Variants in PTN observed in about 807,000 individuals in gnomAD.
PTN encodes the protein pleiotrophin, also known as heparin affin regulatory protein.
Under a neutral mutation model 24.1 loss-of-function variants are expected in PTN, and 18 were observed. That is an observed-to-expected ratio of 0.75 (90% CI 0.52 to 1.11). The LOEUF is 1.11. PTN is among the 50% of genes least tolerant of loss of function. PTN has a pLI of 0.00. For missense variants in PTN, 163 were observed against 198.8 expected (o/e 0.82, Z 1.08); for synonymous variants, 78 against 68.6 (o/e 1.14, Z -0.67).
intron 1 of PTN, among the ~76,000 whole-genome samples, chr7:137,293,328 T>G (rs1809670281): frequency 6.6e-6 from 1 of 152,094 alleles, no homozygotes; most frequent in South Asian, 2.1e-4. Flanking sequence ...TTGAAGCTAG[T>G]GTGCGCGCAT....
chr7:137,298,106 T>C (rs1809748627), intron 1 of PTN, among the ~76,000 whole-genome samples: 1 of 151,896 alleles, frequency 6.6e-6, no homozygotes, highest in African/African-American at 2.4e-5. Flanking sequence ...TGATAAAATA[T>C]AGATCCACAC....
intron 1 of PTN, among the ~76,000 whole-genome samples, chr7:137,296,857 C>T (rs1033527382): frequency 1.3e-5 from 2 of 152,118 alleles, no homozygotes; most frequent in African/African-American, 4.8e-5. Context: ...CCCCCCAAAT[C>T]GAAGCAGATT....
intron 1 of PTN, among the ~76,000 whole-genome samples, chr7:137,312,535 A>T (rs1182580310): frequency 6.6e-6 from 1 of 152,196 alleles, no homozygotes; most frequent in Non-Finnish European, 1.5e-5. Context: ...CAGCTTTCCA[A>T]TTCAGCTTAA....
chr7:137,332,572 T>C (rs1263650642), intron 1 of PTN, among the ~76,000 whole-genome samples: 3 of 152,214 alleles, frequency 2.0e-5, no homozygotes, highest in Admixed American at 2.0e-4. Flanking sequence ...TTTCAAGATT[T>C]AAGCATAGAC....
At chr7:137,260,508 TTTTAA>T (rs111448879) in intron 1 of PTN, among the ~76,000 whole-genome samples, 3,012 of 152,244 alleles carry the variant, frequency 0.02, 38 homozygotes, top group Middle Eastern at 0.027. Context: ...ACTTGTCTAA[TTTTAA>T]TTTATTTTAT....
At chr7:137,337,937 T>C (rs116306005) in intron 1 of PTN, among the ~76,000 whole-genome samples, 62 of 152,308 alleles carry the variant, frequency 4.1e-4, no homozygotes, top group African/African-American at 1.4e-3. Flanking sequence ...TCTTCAATGG[T>C]TCTATGCTAA....
chr7:137,246,136 C>A (rs907969954), intron 4 of PTN, among the ~76,000 whole-genome samples: 2 of 152,166 alleles, frequency 1.3e-5, no homozygotes, highest in Non-Finnish European at 2.9e-5. Context: ...AACTTCCAGT[C>A]CTGCAAGCTC....
At chr7:137,309,082 C>T (rs553183749) in intron 1 of PTN, among the ~76,000 whole-genome samples, 7 of 151,948 alleles carry the variant, frequency 4.6e-5, no homozygotes, top group Non-Finnish European at 8.8e-5. Flanking sequence ...TTGGAATGGC[C>T]GAGGAAACTG....
intron 1 of PTN, chr7:137,287,757 A>G (rs1018204948): frequency 1.3e-5 from 2 of 152,154 alleles, no homozygotes; most frequent in African/African-American, 4.8e-5. Context: ...AAGATCTGAT[A>G]TTGTGTCAAG....
intron 1 of PTN, among the ~76,000 whole-genome samples, chr7:137,332,867 C>T (rs1435771550): frequency 3.3e-5 from 5 of 152,070 alleles, no homozygotes; most frequent in African/African-American, 1.2e-4. Context: ...GCACAATGAC[C>T]CCACGGCTAG....
At chr7:137,309,698 A>C (rs749735861) in intron 1 of PTN, among the ~76,000 whole-genome samples, 10 of 152,148 alleles carry the variant, frequency 6.6e-5, no homozygotes, top group African/African-American at 9.7e-5. Context: ...CTCACCCATA[A>C]GAAGCAACTC....
chr7:137,241,535 A>C (rs1808627792), intron 4 of PTN, among the ~76,000 whole-genome samples: 1 of 152,124 alleles, frequency 6.6e-6, no homozygotes, highest in Non-Finnish European at 1.5e-5. Flanking sequence ...TAGTCTTTAA[A>C]ATACTGCATA....
At chr7:137,340,885 G>A (rs1183074189) in intron 1 of PTN, among the ~76,000 whole-genome samples, 1 of 152,160 alleles carries the variant, frequency 6.6e-6, no homozygotes, top group Admixed American at 6.5e-5. Flanking sequence ...CCTCCTTCCT[G>A]AGAGAAGTCA....
At position 137,228,044 on chromosome 7, in the gene PTN, C is replaced by T. The variant is rs553841477; in HGVS notation, c.483G>A (p.Lys161=). 1 of 1,606,416 alleles carries T rather than the reference C, an allele frequency of 6.2e-7. No individual in the cohort carries two copies. Among genetic ancestry groups the T allele is most frequent in the East Asian group, 2.2e-5 (1 of 44,726 alleles). ...TTTAATCCAGCATCTTCTCCTGTTT[C>T]TTGCCTTCCTTTTTCTTCTTCTTAG... The part of the protein sequence containing the change: ...AESKKKKKEG[K]KQEKMLD The change falls in exon 5 of 5, where the codon AAG becomes AAA. Residue 161 remains lysine (K), a synonymous_variant. Transcript: ENST00000348225.
chr7:137,272,651 C>T (rs375280922), intron 1 of PTN, among the ~76,000 whole-genome samples: 6 of 152,304 alleles, frequency 3.9e-5, no homozygotes, highest in African/African-American at 1.4e-4. Context: ...CTTTAAATCT[C>T]TTCAATTTCT....
At chr7:137,229,509 G>A (rs1179362264) in intron 4 of PTN, among the ~76,000 whole-genome samples, 2 of 151,654 alleles carry the variant, frequency 1.3e-5, no homozygotes, top group African/African-American at 4.8e-5. Context: ...CTATCTTCAT[G>A]ACCTCTTCAA....
intron 1 of PTN, among the ~76,000 whole-genome samples, chr7:137,323,291 TG>T (rs1330080808): frequency 1.3e-5 from 2 of 152,238 alleles, no homozygotes; most frequent in Non-Finnish European, 2.9e-5. Context: ...AAAGCAAATT[TG>T]TTATGTATGT....
At chr7:137,342,294 C>T (rs1302460085) in intron 1 of PTN, among the ~76,000 whole-genome samples, 3 of 152,132 alleles carry the variant, frequency 2.0e-5, no homozygotes, top group East Asian at 1.9e-4. Context: ...AGCACACACA[C>T]ACGCACATGC....
At chr7:137,246,772 G>A (rs752809708) in intron 4 of PTN, among the ~76,000 whole-genome samples, 18 of 152,266 alleles carry the variant, frequency 1.2e-4, no homozygotes, top group African/African-American at 3.9e-4. Context: ...TGTGACCAGC[G>A]TTGCATGGGT....
Sources: gnomAD v4.1 joint callset for allele counts (sites outside exome capture counted in the v4.1 genomes callset) on GRCh38, gnomAD v4.1.1 for gene constraint, MANE v1.5 for transcripts, NCBI Gene and HGNC (gene_info 2026-07-23, HGNC 2026-07-21) for gene names.